ART3: variants seen among roughly 807,000 people sequenced by gnomAD.
The protein encoded by ART3 is ADP-ribosyltransferase 3 (inactive), also known as ecto-ADP-ribosyltransferase 3.
ART3 carries 49 observed loss-of-function variants against 48.5 expected under a neutral mutation model. That is an observed-to-expected ratio of 1.01 (90% confidence interval 0.80 to 1.28). The LOEUF (loss-of-function observed/expected upper bound fraction) is 1.28, where lower values mean the gene tolerates loss of function less well. ART3 is among the 50% of genes most tolerant of loss of function. The pLI is 0.00. For missense variants in ART3, 438 were observed against 454.3 expected (o/e 0.96, Z 0.33); for synonymous variants, 145 against 157.2 (o/e 0.92, Z 0.58).
intron 1 of ART3, among the ~76,000 whole-genome samples, chr4:76,059,945 G>GT (rs1013017787): frequency 2.2e-4 from 33 of 152,292 alleles, no homozygotes; most frequent in African/African-American, 7.9e-4. Context: ...GAAGAAATCT[G>GT]TTTGTGAGTC....
At chr4:76,105,531 T>C (rs1284011036) in intron 10 of ART3, 1 of 1,289,162 alleles carries the variant, frequency 7.8e-7, no homozygotes, top group Non-Finnish European at 1.0e-6. Context: ...GGAATAAAAA[T>C]GATACAACTG....
intron 3 of ART3, among the ~76,000 whole-genome samples, chr4:76,089,341 G>A (rs995162360): frequency 3.3e-5 from 5 of 152,192 alleles, no homozygotes; most frequent in South Asian, 2.1e-4. Context: ...TGGAGATGGG[G>A]CCTGGAAGGA....
chr4:76,080,410 G>C (rs1560622252), intron 2 of ART3, among the ~76,000 whole-genome samples: 2 of 152,154 alleles, frequency 1.3e-5, no homozygotes, highest in Admixed American at 6.5e-5. Context: ...ATATGTGCCA[G>C]GCATGGGGCA....
intron 3 of ART3, among the ~76,000 whole-genome samples, chr4:76,087,566 T>TA (rs1029627076): frequency 1.7e-4 from 26 of 152,198 alleles, no homozygotes; most frequent in African/African-American, 6.0e-4. Context: ...CTAAAAGGGG[T>TA]AAAAAAAATT....
chr4:76,020,540 G>A lies in ART3; in HGVS notation c.-10+9220G>A, dbSNP rs78322186. 1.7e-3 allele frequency among the ~76,000 whole-genome samples: 257 copies of A among 152,312 alleles called. 1 individual carries two copies. The highest frequency in any genetic ancestry group is 5.7e-3 in the African/African-American group (238 of 41,566). ...AGAAGTAGTATAGAATTACTCCCAG[G>A]TTTCTGGTTTGGGAAACTGATTGGA... On this transcript the variant is annotated intron_variant, in intron 1 of 9. Transcript: ENST00000341029.
rs1029502094 is a variant in ART3 at position 76,104,244 on chromosome 4, C to T, written c.970+275C>T. On this transcript the variant is annotated intron_variant, in intron 9 of 11. Transcript: ENST00000355810. ...GCTCCTGGGATCTGGATGCATCAGT[C>T]CAACACCTTCCAGGTTCTACAGCTA... is the stretch of plus-strand genomic sequence containing the variant. 8.7e-6 allele frequency: 6 copies of T among 687,812 alleles called. No individual in the cohort carries two copies. In the African/African-American group the frequency reaches 1.2e-4, roughly 13 times the overall value. The allele number at this position is 687,812 out of a possible 1,614,324, so 42.6% of individuals were successfully genotyped here. A position where few individuals can be genotyped will look rare whatever the true frequency, so the allele number is the denominator to read the frequency against.
chr4:76,024,981 A>G (rs1560579298), intron 1 of ART3, among the ~76,000 whole-genome samples: 2 of 152,180 alleles, frequency 1.3e-5, no homozygotes, highest in African/African-American at 4.8e-5. Context: ...TGCTTGGGGT[A>G]AATGGAATTT....
chr4:76,111,806 C>G (rs148870163), intron 11 of ART3: 1 of 152,508 alleles, frequency 6.6e-6, no homozygotes, highest in Non-Finnish European at 1.5e-5. Flanking sequence ...TCCCACAGTG[C>G]TGGGATTACA....
intron 1 of ART3, chr4:76,034,087 C>T (rs770327557): frequency 5.4e-6 from 1 of 186,502 alleles, no homozygotes; most frequent in Non-Finnish European, 1.1e-5. Flanking sequence ...TTGCCAGTAT[C>T]CCATAGCGTA....
At chr4:76,024,796 G>T (rs965979800) in intron 1 of ART3, among the ~76,000 whole-genome samples, 3 of 152,198 alleles carry the variant, frequency 2.0e-5, no homozygotes, top group African/African-American at 7.2e-5. Flanking sequence ...ACAATGCAGG[G>T]ATTGGTCAGG....
upstream of ART3, among the ~76,000 whole-genome samples, chr4:76,070,570 A>G (rs1578407097): frequency 6.6e-6 from 1 of 152,182 alleles, no homozygotes; most frequent in Non-Finnish European, 1.5e-5. Context: ...ATTCAATCCA[A>G]TTTAGCTTAG....
intron 2 of ART3, among the ~76,000 whole-genome samples, chr4:76,079,642 A>G (rs2149541053): frequency 6.6e-6 from 1 of 152,264 alleles, no homozygotes; most frequent in South Asian, 2.1e-4. Flanking sequence ...GGTCTGCAAA[A>G]GAGTCTAAGA....
intron 10 of ART3, 138 bp from the exon 11 acceptor site, chr4:76,107,623 C>T (rs1454901216): frequency 5.8e-6 from 3 of 519,892 alleles, no homozygotes; most frequent in Non-Finnish European, 1.0e-5. Flanking sequence ...TAACCCCACA[C>T]ATACCCGTAA....
At position 76,047,171 on chromosome 4, in the gene ART3, C is replaced by G. The variant is rs147689304; in HGVS notation, c.-9-28710C>G. ...CATTGGACAATCTTTTTTAAAGTGT[C>G]CTAGTAAACCACACTGATAACAAGC... On this transcript the variant is annotated intron_variant, in intron 1 of 9. Transcript: ENST00000341029. 5.9e-3 allele frequency among the ~76,000 whole-genome samples: 904 copies of G among 152,054 alleles called. 8 individuals carry two copies. Among genetic ancestry groups the G allele is most frequent in the Middle Eastern group, 0.051 (15 of 294 alleles).
chr4:76,025,129 C>T (rs923836399), intron 1 of ART3, among the ~76,000 whole-genome samples: 5 of 152,112 alleles, frequency 3.3e-5, no homozygotes, highest in African/African-American at 1.2e-4. Context: ...ACTGACAGAA[C>T]CCAAAAGACT....
chr4:76,108,932 A>T (rs935074972), intron 11 of ART3, among the ~76,000 whole-genome samples: 3 of 152,308 alleles, frequency 2.0e-5, no homozygotes. Flanking sequence ...GTACAGGTGT[A>T]TAGGGCACTT....
upstream of ART3, among the ~76,000 whole-genome samples, chr4:76,070,646 T>G (rs71607342): frequency 6.6e-6 from 1 of 152,214 alleles, no homozygotes; most frequent in Non-Finnish European, 1.5e-5. Context: ...GATTTCATTT[T>G]AAATTCAGGT....
At chr4:76,050,680 G>C (rs1052407635) in intron 1 of ART3, among the ~76,000 whole-genome samples, 1 of 152,186 alleles carries the variant, frequency 6.6e-6, no homozygotes, top group Non-Finnish European at 1.5e-5. Context: ...TTGGGTGGTC[G>C]ATGGGACTGG....
At chr4:76,032,885 C>G (rs1183625894) in intron 1 of ART3, among the ~76,000 whole-genome samples, 1 of 151,954 alleles carries the variant, frequency 6.6e-6, no homozygotes, top group East Asian at 1.9e-4. Context: ...CGCACCCAGC[C>G]AGATTCAGGT....
Sources: gnomAD v4.1 joint callset for allele counts (sites outside exome capture counted in the v4.1 genomes callset) on GRCh38, gnomAD v4.1.1 for gene constraint, MANE v1.5 for transcripts, NCBI Gene and HGNC (gene_info 2026-07-23, HGNC 2026-07-21) for gene names.